The following LRRC4C variants were observed in gnomAD, a reference collection of about 807,000 sequenced individuals.
LRRC4C encodes leucine-rich repeat-containing protein 4C.
In LRRC4C, 5 loss-of-function variants were observed where a neutral mutation model predicts 33.6. That is an observed-to-expected ratio of 0.15 (90% CI 0.08 to 0.31). The LOEUF is 0.31. Ranked by LOEUF, LRRC4C falls within the 10% of genes least tolerant of loss-of-function variation. LRRC4C has a pLI of 1.00. For synonymous variants in LRRC4C, 329 were observed against 302.0 expected, an observed-to-expected ratio of 1.09 and a Z score of -0.93; for missense variants, 560 against 796.7, an observed-to-expected ratio of 0.70 and a Z score of 3.58.
intron 1 of LRRC4C, among the ~76,000 whole-genome samples, chr11:41,290,799 A>G (rs888440062): frequency 6.6e-6 from 1 of 152,144 alleles, no homozygotes; most frequent in Non-Finnish European, 1.5e-5. Flanking sequence ...AGAGAGATTA[A>G]AACAAACAAA....
chr11:41,091,114 A>G (rs1415018386), intron 1 of LRRC4C, among the ~76,000 whole-genome samples: 3 of 152,192 alleles, frequency 2.0e-5, no homozygotes, highest in African/African-American at 7.2e-5. Flanking sequence ...TAATACTACT[A>G]TTTACACTAA....
intron 4 of LRRC4C, among the ~76,000 whole-genome samples, chr11:40,306,040 C>T (rs527993359): frequency 6.6e-6 from 1 of 152,292 alleles, no homozygotes; most frequent in Non-Finnish European, 1.5e-5. Context: ...AGAACTTCGG[C>T]CCATTCTCTT....
intron 3 of LRRC4C, among the ~76,000 whole-genome samples, chr11:40,440,901 A>G (rs996262492): frequency 6.6e-6 from 1 of 151,912 alleles, no homozygotes; most frequent in Non-Finnish European, 1.5e-5. Flanking sequence ...CAAATAGGTA[A>G]GATAGGTTTG....
chr11:40,707,025 C>T (rs1030532129), intron 2 of LRRC4C, among the ~76,000 whole-genome samples: 2 of 151,858 alleles, frequency 1.3e-5, no homozygotes, highest in African/African-American at 2.4e-5. Context: ...CTGTTATAAG[C>T]ATATAAGTAT....
At chr11:40,964,883 C>A (rs914308063) in intron 1 of LRRC4C, among the ~76,000 whole-genome samples, 47 of 152,112 alleles carry the variant, frequency 3.1e-4, no homozygotes, top group Non-Finnish European at 4.4e-4. Context: ...TGGGTATATA[C>A]CCAGTAATAG....
In LRRC4C at chr11:41,104,790, G is replaced by T. The variant is rs147965063; in HGVS notation, c.-495-171067C>A. 3.3e-3 allele frequency among the ~76,000 whole-genome samples: 504 copies of T among 152,048 alleles called. 2 individuals are homozygous for T. The highest frequency in any genetic ancestry group is 0.012 in the African/African-American group (482 of 41,548). The stretch of plus-strand genomic sequence containing the variant: ...TAATATTTGTCAGGAATAAAGTACT[G>T]ATTTCTGTTATGAAATCAATATATC... On this transcript the variant is annotated intron_variant, in intron 1 of 6. Transcript: ENST00000528697.
intron 3 of LRRC4C, among the ~76,000 whole-genome samples, chr11:40,496,742 A>T (rs981532887): frequency 6.6e-6 from 1 of 152,118 alleles, no homozygotes; most frequent in African/African-American, 2.4e-5. Context: ...CTCTGAAACC[A>T]TGTGTTTAGA....
intron 3 of LRRC4C, among the ~76,000 whole-genome samples, chr11:40,586,956 G>T (rs200533120): frequency 0.017 from 2,553 of 151,876 alleles, 89 homozygotes; most frequent in African/African-American, 0.058. Context: ...TTGGTGATGC[G>T]GGCTCTTTTT....
chr11:40,924,155 G>A (rs1957317313), intron 2 of LRRC4C, among the ~76,000 whole-genome samples: 1 of 149,472 alleles, frequency 6.7e-6, no homozygotes, highest in African/African-American at 2.5e-5. Flanking sequence ...TATGATATTA[G>A]GTTCAAAGCC....
intron 1 of LRRC4C, among the ~76,000 whole-genome samples, chr11:41,200,100 C>T (rs765315984): frequency 3.3e-5 from 5 of 151,984 alleles, no homozygotes; most frequent in Non-Finnish European, 1.5e-5. Flanking sequence ...GTAGTAATGT[C>T]ACTTCTGAAA....
intron 1 of LRRC4C, among the ~76,000 whole-genome samples, chr11:41,357,820 A>C (rs1030167772): frequency 6.6e-6 from 1 of 152,174 alleles, no homozygotes; most frequent in Non-Finnish European, 1.5e-5. Flanking sequence ...AACAGTATCA[A>C]GATGTTAGCT....
chr11:40,622,047 C>T (rs886307544), intron 3 of LRRC4C, among the ~76,000 whole-genome samples: 7 of 151,116 alleles, frequency 4.6e-5, no homozygotes, highest in Non-Finnish European at 7.4e-5. Context: ...TATCCAAGTC[C>T]ATTCCAGCTT....
intron 2 of LRRC4C, among the ~76,000 whole-genome samples, chr11:40,884,522 T>C (rs762179917): frequency 1.1e-4 from 16 of 152,064 alleles, no homozygotes; most frequent in Non-Finnish European, 2.1e-4. Context: ...GAATTTACAC[T>C]CCCACCAACA....
At chr11:41,414,684 A>T (rs1954613532) in intron 1 of LRRC4C, among the ~76,000 whole-genome samples, 1 of 152,122 alleles carries the variant, frequency 6.6e-6, no homozygotes, top group African/African-American at 2.4e-5. Flanking sequence ...TTAAAAAGAT[A>T]AAACCTGGGA....
intron 2 of LRRC4C, among the ~76,000 whole-genome samples, chr11:40,665,320 AAAAAAATATATATATATAT>A (rs1943688064): frequency 6.3e-5 from 1 of 15,848 alleles, no homozygotes; most frequent in Non-Finnish European, 1.5e-4. Flanking sequence ...AAAAAAAAAA[AAAAAAATATATATATATAT>A]ATATATATAT....
intron 3 of LRRC4C, among the ~76,000 whole-genome samples, chr11:40,502,675 T>A (rs1472508958): frequency 6.6e-6 from 1 of 152,036 alleles, no homozygotes; most frequent in African/African-American, 2.4e-5. Flanking sequence ...CAATTCAAGA[T>A]GAGATTTGGT....
rs140552642 is a variant in LRRC4C at position 40,813,734 on chromosome 11, G to A, written c.-407+119901C>T. 5.2e-3 allele frequency among the ~76,000 whole-genome samples: 787 copies of A among 152,194 alleles called. 1 individual carries two copies. The highest frequency in any genetic ancestry group is 7.5e-3 in the Non-Finnish European group (507 of 67,992). ...GATAGTTACTTACTAGATACAATGAGGGTATCAGCATTGGATAAATGCACC... is the reference window on the plus strand; with the variant it reads ...GATAGTTACTTACTAGATACAATGAAGGTATCAGCATTGGATAAATGCACC... On this transcript the variant is annotated intron_variant, in intron 2 of 6. Transcript: ENST00000528697.
intron 2 of LRRC4C, among the ~76,000 whole-genome samples, chr11:40,912,804 C>A (rs1480349349): frequency 6.6e-6 from 1 of 152,128 alleles, no homozygotes; most frequent in African/African-American, 2.4e-5. Flanking sequence ...GGAAACCCAT[C>A]TCACATGCAG....
chr11:40,430,264 G>C (rs920142753), intron 3 of LRRC4C, among the ~76,000 whole-genome samples: 97 of 144,816 alleles, frequency 6.7e-4, no homozygotes, highest in Admixed American at 1.2e-3. Context: ...TGCACGTATG[G>C]GGGGGGTTGC....
Sources: allele counts gnomAD v4.1 joint callset (sites outside exome capture counted in the v4.1 genomes callset), GRCh38; gene constraint gnomAD v4.1.1; transcripts MANE v1.5; gene names NCBI Gene and HGNC (gene_info 2026-07-23, HGNC 2026-07-21).